Variants in TMEM181 observed in about 807,000 individuals in gnomAD.
TMEM181 encodes the protein transmembrane protein 181, also known as G protein-coupled receptor 178.
In TMEM181, 39 loss-of-function variants were observed where a neutral mutation model predicts 71.9. The observed-to-expected ratio is 0.54, with a 90% CI of 0.42 to 0.71. The LOEUF (loss-of-function observed/expected upper bound fraction) is 0.71, where lower values mean the gene tolerates loss of function less well. Among genes scored for constraint, TMEM181 ranks in the 30% least tolerant of loss-of-function variants. The pLI is 0.00. For missense variants in TMEM181, 595 were observed against 583.0 expected (o/e 1.02, Z -0.21); for synonymous variants, 245 against 228.8 (o/e 1.07, Z -0.64).
chr6:158,573,474 T>C lies in TMEM181; in HGVS notation c.63T>C (p.Phe21=). ...TLSKRHFVLV[F]VVFFICFGLT... ...CCAAGCGCCACTTTGTCCTCGTGTT[T>C]GTCGTCTTCTTCATCTGCTTTGGCC... The change falls in exon 2 of 17, where the codon TTT becomes TTC. Residue 21 remains phenylalanine (F), a synonymous_variant. Transcript: ENST00000684151. 1.9e-6 allele frequency: 3 copies of C among 1,606,578 alleles called. No individual in the cohort carries two copies. The highest frequency in any genetic ancestry group is 2.5e-6 in the Non-Finnish European group (3 of 1,176,534).
intron 10 of TMEM181, chr6:158,610,489 G>A (rs1389011499): frequency 5.9e-6 from 2 of 340,734 alleles, no homozygotes; most frequent in Non-Finnish European, 5.3e-6. Flanking sequence ...AATGACAGTG[G>A]GTATCAGTGA....
At position 158,569,379 on chromosome 6, in the gene TMEM181, C is replaced by T. The variant is rs79947900; in HGVS notation, c.9-4041C>T. Among the ~76,000 whole-genome samples the T allele has an allele frequency of 1.9e-3, 289 of 152,332 alleles. 7 individuals are homozygous for T. In the East Asian group the frequency reaches 0.05, roughly 27 times the overall value. The stretch of plus-strand genomic sequence containing the variant: ...ACCCACGAGCCTGTTGCAGCACAGG[C>T]GGTTATACCCAGCTTACACTTGCTT... On this transcript the variant is annotated intron_variant, in intron 1 of 16. Transcript: ENST00000684151.
chr6:158,610,743 C>T (rs902390403), intron 10 of TMEM181: 16 of 296,042 alleles, frequency 5.4e-5, no homozygotes, highest in African/African-American at 3.3e-4. Flanking sequence ...CTCAGGCACT[C>T]GGGCTGCTCC....
intron 6 of TMEM181, among the ~76,000 whole-genome samples, chr6:158,599,746 T>C (rs140338234): frequency 3.2e-4 from 49 of 152,292 alleles, no homozygotes; most frequent in Non-Finnish European, 4.1e-4. Context: ...TGGAGGCCGC[T>C]GTGTGTCATG....
intron 1 of TMEM181, among the ~76,000 whole-genome samples, chr6:158,537,658 C>A (rs971769794): frequency 6.6e-6 from 1 of 152,204 alleles, no homozygotes; most frequent in African/African-American, 2.4e-5. Flanking sequence ...AGAAAGCTCC[C>A]TCACCCCCCC....
chr6:158,623,613 G>GAAC lies in TMEM181; in HGVS notation c.954+7_954+8insACA, dbSNP rs748766111. The GAAC allele has an allele frequency of 6.4e-7, 1 of 1,570,234 alleles. No homozygotes were observed. The highest frequency in any genetic ancestry group is 8.7e-7 in the Non-Finnish European group (1 of 1,152,874). The stretch of plus-strand genomic sequence containing the variant: ...TTGATACCGGAAATTTTCAGGTAAG[G>GAAC]ATTGTTAATGAGGCCTGCAATTTTT... On this transcript the variant is annotated splice_region_variant and intron_variant, in intron 11 of 16. Transcript: ENST00000684151.
At chr6:158,545,186 G>T (rs367970128) in intron 1 of TMEM181, among the ~76,000 whole-genome samples, 1 of 152,222 alleles carries the variant, frequency 6.6e-6, no homozygotes, top group East Asian at 1.9e-4. Context: ...GCTACACCCC[G>T]CTTTCTTCCT....
intron 10 of TMEM181, chr6:158,610,917 G>A (rs1785265905): frequency 4.9e-6 from 2 of 409,100 alleles, no homozygotes; most frequent in Admixed American, 2.9e-5. Flanking sequence ...AATGGCTGAG[G>A]GTTTCAGTGG....
In TMEM181 at chr6:158,629,815, C is replaced by T. The variant is rs886323397; in HGVS notation, c.1278C>T (p.Leu426=). 1.2e-6 allele frequency: 2 copies of T among 1,613,618 alleles called. No individual in the cohort carries two copies. The highest frequency in any genetic ancestry group is 4.5e-5 in the East Asian group (2 of 44,866). Residue 426 remains leucine, a synonymous_variant, in exon 15 of 17, where the codon CTC becomes CTT. Transcript: ENST00000684151. ...AFVYSPSKNA[L]YESQLKDNPA... ...TATATTCTCCATCGAAGAATGCCCT[C>T]TATGGTAAGCCACCCTGGGGTCTGG...
chr6:158,564,111 T>A (rs997724627), intron 1 of TMEM181, among the ~76,000 whole-genome samples: 2 of 152,246 alleles, frequency 1.3e-5, no homozygotes, highest in African/African-American at 4.8e-5. Flanking sequence ...GAGAAATGAC[T>A]TATACCCAAG....
intron 5 of TMEM181, among the ~76,000 whole-genome samples, chr6:158,587,233 G>A (rs1177615891): frequency 6.6e-6 from 1 of 152,214 alleles, no homozygotes; most frequent in Non-Finnish European, 1.5e-5. Context: ...GGGCCAGGCT[G>A]CCAGGGTACT....
At chr6:158,561,501 T>C (rs996342645) in intron 1 of TMEM181, among the ~76,000 whole-genome samples, 22 of 152,326 alleles carry the variant, frequency 1.4e-4, no homozygotes, top group Admixed American at 1.3e-3. Context: ...AGCTGCGTGT[T>C]ACAGGAGTTC....
intron 15 of TMEM181, among the ~76,000 whole-genome samples, chr6:158,630,568 G>T (rs181832332): frequency 1.9e-4 from 29 of 152,218 alleles, no homozygotes; most frequent in African/African-American, 6.3e-4. Flanking sequence ...TAACACTTAA[G>T]GCAGAATAGG....
chr6:158,555,398 G>A (rs139980897), upstream of TMEM181, among the ~76,000 whole-genome samples: 2 of 152,152 alleles, frequency 1.3e-5, no homozygotes, highest in African/African-American at 2.4e-5. Context: ...CCTTAAAAGA[G>A]ATGATCCTTA....
At chr6:158,599,580 A>C (rs1394271804) in intron 6 of TMEM181, among the ~76,000 whole-genome samples, 1 of 152,262 alleles carries the variant, frequency 6.6e-6, no homozygotes, top group Non-Finnish European at 1.5e-5. Context: ...CAGAACAAAC[A>C]AAACCCCCAA....
intron 1 of TMEM181, among the ~76,000 whole-genome samples, chr6:158,564,804 G>A (rs778427780): frequency 4.6e-5 from 7 of 152,180 alleles, no homozygotes; most frequent in African/African-American, 7.2e-5. Flanking sequence ...GGCATTTTGG[G>A]CCAAAGGAGA....
At chr6:158,549,859 G>A (rs894632525) in intron 1 of TMEM181, among the ~76,000 whole-genome samples, 3 of 151,532 alleles carry the variant, frequency 2.0e-5, no homozygotes, top group African/African-American at 7.3e-5. Context: ...TGTGGTTTTT[G>A]TAGAGTCTTT....
chr6:158,624,863 T>C (rs916327939), intron 11 of TMEM181, among the ~76,000 whole-genome samples: 1 of 152,178 alleles, frequency 6.6e-6, no homozygotes, highest in Non-Finnish European at 1.5e-5. Flanking sequence ...GGGAGGGGTT[T>C]GGGCTCTGCT....
chr6:158,558,676 T>C (rs1402678878), upstream of TMEM181, among the ~76,000 whole-genome samples: 1 of 152,234 alleles, frequency 6.6e-6, no homozygotes, highest in Non-Finnish European at 1.5e-5. Flanking sequence ...TCTTCTCTTT[T>C]ATGTTAACTA....
Sources: gnomAD v4.1 joint callset for allele counts (sites outside exome capture counted in the v4.1 genomes callset) on GRCh38, gnomAD v4.1.1 for gene constraint, MANE v1.5 for transcripts, NCBI Gene and HGNC (gene_info 2026-07-23, HGNC 2026-07-21) for gene names.